CALN1: variants seen among roughly 807,000 people sequenced by gnomAD.
CALN1 encodes the protein calcium-binding protein 8.
In CALN1, 17 loss-of-function variants were observed where a neutral mutation model predicts 30.6. The ratio of observed to expected loss-of-function variants is 0.56; its 90% CI spans 0.38 to 0.83. The LOEUF (loss-of-function observed/expected upper bound fraction) is 0.83. Among genes scored for constraint, CALN1 ranks in the 40% least tolerant of loss-of-function variants. The probability of loss-of-function intolerance (pLI) is 0.00; values close to 1 mark genes in which losing one functional copy is unlikely to be tolerated. For synonymous variants in CALN1, 156 were observed against 131.4 expected, an observed-to-expected ratio of 1.19 and a Z score of -1.28; for missense variants, 291 against 354.9, an observed-to-expected ratio of 0.82 and a Z score of 1.45.
At chr7:72,227,552 AAAAAAAG>A (rs893594406) in intron 3 of CALN1, among the ~76,000 whole-genome samples, 7 of 132,580 alleles carry the variant, frequency 5.3e-5, no homozygotes, top group African/African-American at 1.1e-4. Flanking sequence ...AAAAAAAAGA[AAAAAAAG>A]AAAAAAGAAA....
At chr7:72,464,355 G>A in the CALN1 span, among the ~76,000 whole-genome samples, 2 of 152,154 alleles carry the variant, frequency 1.3e-5, no homozygotes, top group Non-Finnish European at 2.9e-5. Flanking sequence ...GAACTAGACC[G>A]TGCTATCTCT....
At chr7:72,014,518 T>C (rs1161792036) in intron 5 of CALN1, among the ~76,000 whole-genome samples, 2 of 152,232 alleles carry the variant, frequency 1.3e-5, no homozygotes, top group African/African-American at 4.8e-5. Flanking sequence ...GGTCGAGCTG[T>C]TTTAATGTTT....
intron 5 of CALN1, among the ~76,000 whole-genome samples, chr7:71,927,440 C>T (rs544406341): frequency 2.2e-4 from 33 of 152,262 alleles, no homozygotes; most frequent in African/African-American, 7.2e-4. Flanking sequence ...GAACTACTGA[C>T]GTCAGGTGAT....
chr7:71,816,953 G>A (rs866730651), intron 5 of CALN1, among the ~76,000 whole-genome samples: 3 of 152,164 alleles, frequency 2.0e-5, no homozygotes, highest in African/African-American at 7.2e-5. Flanking sequence ...GGGCAACAGA[G>A]CGAGACTCTG....
chr7:71,788,487 TG>T (rs374154297), intron 6 of CALN1, among the ~76,000 whole-genome samples: 10,248 of 138,456 alleles, frequency 0.074, 719 homozygotes, highest in East Asian at 0.3. Flanking sequence ...GGTTTTTTTT[TG>T]TTGTTTTTTT....
intron 2 of CALN1, among the ~76,000 whole-genome samples, chr7:72,338,480 T>TGG (rs1802211742): frequency 8.4e-6 from 1 of 118,556 alleles, no homozygotes; most frequent in South Asian, 2.9e-4. Context: ...AGTGTGTGTG[T>TGG]GTGTGTGTGT....
intron 4 of CALN1, among the ~76,000 whole-genome samples, chr7:72,032,666 G>A (rs978872840): frequency 5.9e-5 from 9 of 152,168 alleles, no homozygotes; most frequent in Non-Finnish European, 1.2e-4. Context: ...GGGAGAGATA[G>A]CTATCAGGAG....
chr7:72,301,645 C>T (rs566620456), intron 2 of CALN1, among the ~76,000 whole-genome samples: 1 of 147,592 alleles, frequency 6.8e-6, no homozygotes, highest in East Asian at 2.0e-4. Context: ...CAGTGATCTG[C>T]CTGAGGAGTA....
intron 4 of CALN1, among the ~76,000 whole-genome samples, chr7:72,099,402 G>A (rs978009592): frequency 3.3e-5 from 5 of 150,730 alleles, no homozygotes; most frequent in Admixed American, 6.6e-5. Context: ...AGGTAGGCTC[G>A]AATCTCTGGA....
chr7:72,040,571 T>A (rs1345105849), intron 4 of CALN1, among the ~76,000 whole-genome samples: 1 of 152,160 alleles, frequency 6.6e-6, no homozygotes, highest in African/African-American at 2.4e-5. Flanking sequence ...ATAGGTTAAT[T>A]CCCAATATGG....
intron 2 of CALN1, among the ~76,000 whole-genome samples, chr7:72,388,284 G>A (rs908671534): frequency 2.0e-5 from 3 of 151,996 alleles, no homozygotes; most frequent in Non-Finnish European, 2.9e-5. Flanking sequence ...AAAGGGGCAC[G>A]TCCTTTCATC....
At chr7:72,359,990 A>AAAAAAAAAAAAAAAAAAAAAAAAAAAAAC (rs1365927582) in intron 2 of CALN1, among the ~76,000 whole-genome samples, 24 of 148,280 alleles carry the variant, frequency 1.6e-4, no homozygotes, top group Non-Finnish European at 2.8e-4. Context: ...AAAAAAAAAA[A>AAAAAAAAAAAAAAAAAAAAAAAAAAAAAC]ACCAAAGTTG....
At chr7:72,452,833 G>C in the CALN1 span, among the ~76,000 whole-genome samples, 1 of 152,156 alleles carries the variant, frequency 6.6e-6, no homozygotes, top group African/African-American at 2.4e-5. Flanking sequence ...GTTTTGTGCT[G>C]GTTACTTCCC....
chr7:71,912,229 G>T (rs1794462098), intron 5 of CALN1, among the ~76,000 whole-genome samples: 1 of 152,040 alleles, frequency 6.6e-6, no homozygotes, highest in African/African-American at 2.4e-5. Context: ...GATTTCAGAA[G>T]ATCCTGACAA....
chr7:72,251,368 G>A (rs1304480142), intron 3 of CALN1, among the ~76,000 whole-genome samples: 1 of 151,946 alleles, frequency 6.6e-6, no homozygotes, highest in Admixed American at 6.6e-5. Context: ...AGTTACACCG[G>A]GACATTCTTT....
chr7:72,143,713 G>C (rs1810131020), intron 3 of CALN1, among the ~76,000 whole-genome samples: 1 of 152,096 alleles, frequency 6.6e-6, no homozygotes, highest in African/African-American at 2.4e-5. Context: ...AAATGTTAAG[G>C]GCAGCCAGAG....
chr7:72,321,648 T>C (rs999379980), intron 2 of CALN1, among the ~76,000 whole-genome samples: 1 of 152,186 alleles, frequency 6.6e-6, no homozygotes, highest in African/African-American at 2.4e-5. Context: ...TGTAGTTAAC[T>C]AAAGTTGGTG....
chr7:72,337,184 C>A, intron 2 of CALN1: 1 of 984,016 alleles, frequency 1.0e-6, no homozygotes, highest in Non-Finnish European at 1.2e-6. Flanking sequence ...GGCCTCCTCC[C>A]CAGCTCCTCC....
chr7:72,021,560 T>C (rs928710980), intron 5 of CALN1, among the ~76,000 whole-genome samples: 2 of 152,086 alleles, frequency 1.3e-5, no homozygotes, highest in African/African-American at 2.4e-5. Context: ...GCATGGTGAG[T>C]AGGGTCCTGG....
Sources: gnomAD v4.1 joint callset for allele counts (sites outside exome capture counted in the v4.1 genomes callset) on GRCh38, gnomAD v4.1.1 for gene constraint, MANE v1.5 for transcripts, NCBI Gene and HGNC (gene_info 2026-07-23, HGNC 2026-07-21) for gene names.